PCDH15: variants seen among roughly 807,000 people sequenced by gnomAD.
The protein encoded by PCDH15 is protocadherin-15.
In PCDH15, 129 loss-of-function variants were observed where a neutral mutation model predicts 178.5. That is an observed-to-expected ratio of 0.72 (90% confidence interval 0.63 to 0.84). PCDH15 has a LOEUF of 0.84. PCDH15 is among the 40% of genes least tolerant of loss of function. The pLI is 0.00. For synonymous variants in PCDH15, 800 were observed against 732.0 expected, an observed-to-expected ratio of 1.09 and a Z score of -1.50; for missense variants, 2,230 against 2,099.9, an observed-to-expected ratio of 1.06 and a Z score of -1.21.
intron 2 of PCDH15, among the ~76,000 whole-genome samples, chr10:54,625,231 A>G (rs953884136): frequency 2.6e-5 from 4 of 152,134 alleles, no homozygotes; most frequent in African/African-American, 9.7e-5. Context: ...ATCTTTCTCA[A>G]TGGTTACATT....
At chr10:54,491,073 G>A (rs971689091) in intron 3 of PCDH15, among the ~76,000 whole-genome samples, 1 of 152,152 alleles carries the variant, frequency 6.6e-6, no homozygotes, top group Non-Finnish European at 1.5e-5. Context: ...GGGAAAGGCA[G>A]CTATCAGCAT....
intron 6 of PCDH15, among the ~76,000 whole-genome samples, chr10:54,337,676 T>C (rs1941452425): frequency 6.6e-6 from 1 of 152,140 alleles, no homozygotes; most frequent in Non-Finnish European, 1.5e-5. Flanking sequence ...CACTAGCCCT[T>C]TGAAAGAAAC....
At chr10:54,534,107 C>T (rs1305032952) in intron 2 of PCDH15, among the ~76,000 whole-genome samples, 1 of 151,986 alleles carries the variant, frequency 6.6e-6, no homozygotes, top group Non-Finnish European at 1.5e-5. Context: ...AATGTATAGA[C>T]AGACTAGGCC....
At chr10:54,361,461 T>C (rs1401935342) in intron 5 of PCDH15, among the ~76,000 whole-genome samples, 1 of 152,104 alleles carries the variant, frequency 6.6e-6, no homozygotes, top group Non-Finnish European at 1.5e-5. Flanking sequence ...GTGTTATCTA[T>C]TCATTGCATG....
At chr10:55,244,640 ACCT>A (rs1180450662) in intron 1 of PCDH15, among the ~76,000 whole-genome samples, 1 of 151,796 alleles carries the variant, frequency 6.6e-6, no homozygotes, top group Non-Finnish European at 1.5e-5. Flanking sequence ...CTAGTTCCTC[ACCT>A]CCTGGTATTC....
At chr10:54,277,745 G>A (rs1220033422) in intron 8 of PCDH15, among the ~76,000 whole-genome samples, 2 of 151,552 alleles carry the variant, frequency 1.3e-5, no homozygotes, top group African/African-American at 4.8e-5. Flanking sequence ...AAGGGAACAT[G>A]AAGTCAGAGA....
chr10:54,937,410 T>G (rs1239866649), intron 2 of PCDH15, among the ~76,000 whole-genome samples: 1 of 151,996 alleles, frequency 6.6e-6, no homozygotes, highest in Non-Finnish European at 1.5e-5. Context: ...AAGAGATATA[T>G]TGCCATCTTA....
chr10:54,370,858 A>G (rs544178394), intron 4 of PCDH15, among the ~76,000 whole-genome samples: 1 of 152,032 alleles, frequency 6.6e-6, no homozygotes, highest in Non-Finnish European at 1.5e-5. Flanking sequence ...TAGTTTCAAG[A>G]TATTTTTATG....
chr10:55,607,149 G>C (rs564715024), intron 2 of PCDH15, among the ~76,000 whole-genome samples: 2 of 151,968 alleles, frequency 1.3e-5, no homozygotes, highest in African/African-American at 4.8e-5. Flanking sequence ...ATGAAAAAAT[G>C]CTCATCATCA....
intron 25 of PCDH15, among the ~76,000 whole-genome samples, chr10:53,929,119 G>A (rs1450429501): frequency 6.6e-6 from 1 of 151,490 alleles, no homozygotes; most frequent in Non-Finnish European, 1.5e-5. Flanking sequence ...ATATATCATT[G>A]TCATCAGTTC....
intron 2 of PCDH15, among the ~76,000 whole-genome samples, chr10:55,373,605 C>T (rs1309100324): frequency 6.6e-6 from 1 of 151,814 alleles, no homozygotes; most frequent in African/African-American, 2.4e-5. Flanking sequence ...AACATGAGGC[C>T]ACCATGTTAG....
chr10:54,868,844 G>A (rs1953984964), intron 3 of PCDH15, among the ~76,000 whole-genome samples: 1 of 152,120 alleles, frequency 6.6e-6, no homozygotes, highest in South Asian at 2.1e-4. Flanking sequence ...CCATGCAGAA[G>A]TCTGTTGTCT....
chr10:54,653,688 C>T (rs1438792501), intron 2 of PCDH15, among the ~76,000 whole-genome samples: 1 of 152,124 alleles, frequency 6.6e-6, no homozygotes, highest in Non-Finnish European at 1.5e-5. Flanking sequence ...TTGCTGCAAA[C>T]GGATACACAT....
At chr10:54,882,874 C>G (rs1178762422) in intron 3 of PCDH15, among the ~76,000 whole-genome samples, 1 of 151,986 alleles carries the variant, frequency 6.6e-6, no homozygotes, top group Non-Finnish European at 1.5e-5. Context: ...GATGTACTGT[C>G]GCCATAGCCA....
At chr10:53,915,967 C>A (rs1227535169) in intron 25 of PCDH15, among the ~76,000 whole-genome samples, 5 of 152,194 alleles carry the variant, frequency 3.3e-5, no homozygotes, top group Admixed American at 3.3e-4. Flanking sequence ...GGTCCCAGGA[C>A]CCCCTTCTGA....
Position 55,259,229 on chromosome 10 carries a change from T to C in PCDH15, c.-156+60370A>G, listed in dbSNP as rs182412098. On this transcript the variant is annotated intron_variant, in intron 1 of 5. Transcript: ENST00000458638. ...AGAGTCTTTGCTTCAGGAGGTCTAG[T>C]AGTATTTGAAAAATGAGCCAAGAGA... 2.9e-3 allele frequency among the ~76,000 whole-genome samples: 448 copies of C among 152,262 alleles called. 3 individuals are homozygous for C. Among genetic ancestry groups the C allele is most frequent in the African/African-American group, 9.0e-3 (372 of 41,562 alleles).
intron 2 of PCDH15, among the ~76,000 whole-genome samples, chr10:55,568,091 A>G (rs1743968494): frequency 6.6e-6 from 1 of 151,994 alleles, no homozygotes; most frequent in Admixed American, 6.6e-5. Flanking sequence ...TAGTTTCTTA[A>G]ATATGTATTT....
intron 1 of PCDH15, among the ~76,000 whole-genome samples, chr10:54,725,539 A>ACT (rs1942355639): frequency 7.5e-6 from 1 of 133,542 alleles, no homozygotes; most frequent in Non-Finnish European, 1.7e-5. Context: ...TATAAATATA[A>ACT]TTATATATAT....
At chr10:55,056,636 T>TATTATTATC (rs999697488) in intron 2 of PCDH15, among the ~76,000 whole-genome samples, 2 of 148,794 alleles carry the variant, frequency 1.3e-5, no homozygotes, top group African/African-American at 4.9e-5. Flanking sequence ...TTATTATTAT[T>TATTATTATC]ATTATTAATA....
Sources: gnomAD v4.1 joint callset for allele counts (sites outside exome capture counted in the v4.1 genomes callset) on GRCh38, gnomAD v4.1.1 for gene constraint, MANE v1.5 for transcripts, NCBI Gene and HGNC (gene_info 2026-07-23, HGNC 2026-07-21) for gene names.